SMG6: variants seen among roughly 807,000 people sequenced by gnomAD.
SMG6 encodes SMG6 nonsense mediated mRNA decay factor, also known as telomerase-binding protein EST1A.
In SMG6, 66 loss-of-function variants were observed where a neutral mutation model predicts 142.2. The observed-to-expected ratio is 0.46, with a 90% CI of 0.38 to 0.57. The LOEUF is 0.57. Ranked by LOEUF, SMG6 falls within the 20% of genes least tolerant of loss-of-function variation. The pLI is 0.00. For synonymous variants in SMG6, 779 were observed against 702.4 expected (o/e 1.11, Z -1.72); for missense variants, 1,793 against 1,832.0 (o/e 0.98, Z 0.39).
At position 2,191,296 on chromosome 17, in the gene SMG6, C is replaced by T. The variant is rs114473336; in HGVS notation, c.2870-2781G>A. ...GACGCTACTCCCTGAAAGCATTCAC[C>T]GTTACACAAGTGGGTAGGAAAACAG... On this transcript the variant is annotated intron_variant, in intron 10 of 18. Coordinates refer to ENST00000263073, the MANE Select transcript of SMG6 (RefSeq NM_017575.5). 3.5e-3 allele frequency among the ~76,000 whole-genome samples: 533 copies of T among 152,248 alleles called. 5 individuals carry two copies. The highest frequency in any genetic ancestry group is 0.012 in the African/African-American group (499 of 41,540).
chr17:2,184,206 T>C lies in SMG6; in HGVS notation c.3155+2457A>G, dbSNP rs186207469. Among the ~76,000 whole-genome samples the C allele has an allele frequency of 2.5e-4, 38 of 151,280 alleles. 1 individual carries two copies. In the South Asian group the frequency reaches 5.4e-3, roughly 22 times the overall value. ...GGTGAAACCCCATCTCTACTAAACA[T>C]AAAAAAATTAGCCAGGCCTGGTGGC... On this transcript the variant is annotated intron_variant, in intron 12 of 18. Transcript: ENST00000263073.
At position 2,299,537 on chromosome 17, in the gene SMG6, G is replaced by A. The variant is rs771019500; in HGVS notation, c.1216C>T (p.Arg406Cys). 1.2e-5 allele frequency: 19 copies of A among 1,614,068 alleles called. No homozygotes were observed. The highest frequency in any genetic ancestry group is 1.7e-5 in the Admixed American group (1 of 60,002). The change falls in exon 2 of 19, where the codon CGT becomes TGT. Residue 406 changes from arginine to cysteine, a missense_variant. Coordinates refer to ENST00000263073, the MANE Select transcript of SMG6 (RefSeq NM_017575.5). This position sits in a 1 kb window ranked among gnomAD's most constrained non-coding sequence, Gnocchi z 4.3. ...NPKQELRGRG[R>C]GILILPAHTT... ...TGGGCAGGCAAAATCAGAATGCCAC[G>A]ACCACGACCCCGAAGTTCTTGTTTC... is the stretch of plus-strand genomic sequence containing the variant.
intron 13 of SMG6, chr17:2,087,422 C>G (rs1180372053): frequency 6.7e-6 from 8 of 1,185,938 alleles, no homozygotes; most frequent in Non-Finnish European, 8.5e-6. Context: ...AAAGCCAACC[C>G]CGCTTTCCTA....
At chr17:2,156,605 T>C (rs1423171299) in intron 13 of SMG6, among the ~76,000 whole-genome samples, 2 of 151,946 alleles carry the variant, frequency 1.3e-5, no homozygotes, top group Admixed American at 1.3e-4. Flanking sequence ...ACAAATGAAA[T>C]GCCAAGCCCA....
intron 15 of SMG6, among the ~76,000 whole-genome samples, chr17:2,081,520 G>A (rs1275265916): frequency 6.6e-6 from 1 of 152,178 alleles, no homozygotes; most frequent in East Asian, 1.9e-4. Context: ...TTGTGTGAAA[G>A]ATCATGTATG....
Position 2,068,842 on chromosome 17 carries a change from G to A in SMG6, c.3771C>T (p.Asp1257=). The A allele has an allele frequency of 6.2e-7, 1 of 1,614,252 alleles. No individual in the cohort carries two copies. Among genetic ancestry groups the A allele is most frequent in the Non-Finnish European group, 8.5e-7 (1 of 1,180,040 alleles). The change falls in exon 16 of 19, where the codon GAC becomes GAT. Residue 1257 remains aspartate, a synonymous_variant. Transcript: ENST00000263073. The surrounding 1 kb of genome is among the most constrained non-coding windows in gnomAD (Gnocchi z 6.7). ...GCAGCCGCGCCAGACTGGCCAGGTG[G>A]TCAATGAAGCCGTTGGTGTCTGGTA... ...FLVPDTNGFI[D]HLASLARLLE...
rs73309933 is a variant in SMG6, at chr17:2,244,860, A to G, written c.2662-141T>C. ...GATGGGAACCAAATGGACATGCCCA[A>G]ACTCTCACAGACCCAGGGCACATGC... is the stretch of plus-strand genomic sequence containing the variant. On this transcript the variant is annotated intron_variant, in intron 8 of 18. Coordinates refer to ENST00000263073, the MANE Select transcript of SMG6 (RefSeq NM_017575.5). 5.9e-6 allele frequency: 4 copies of G among 677,066 alleles called. No homozygotes were observed. The African/African-American group carries it at 7.1e-5, about 12-fold the overall frequency. The allele number at this position is 677,066 out of a possible 1,614,324, so 41.9% of individuals were successfully genotyped here.
intron 8 of SMG6, among the ~76,000 whole-genome samples, chr17:2,248,948 GCT>G (rs2073983498): frequency 6.7e-6 from 1 of 149,910 alleles, no homozygotes; most frequent in Non-Finnish European, 1.5e-5. Context: ...GTGCAGTGGC[GCT>G]ATCTCAGCTC....
At position 2,089,522 on chromosome 17, in the gene SMG6, T is replaced by C. The variant is rs1470403383; in HGVS notation, c.3358-3621A>G. ...TTTCAATCAGCTTGGGAAAGAAAAC[T>C]GGGGCTTTAGGTCAGGGAAGAGCTG... is the stretch of plus-strand genomic sequence containing the variant. On this transcript the variant is annotated intron_variant, in intron 13 of 18. Transcript: ENST00000263073. 3.9e-5 allele frequency among the ~76,000 whole-genome samples: 6 copies of C among 152,106 alleles called. No individual in the cohort carries two copies. The East Asian group carries it at 1.2e-3, about 29-fold the overall frequency.
chr17:2,140,261 C>A (rs1032521405), intron 13 of SMG6, among the ~76,000 whole-genome samples: 50 of 151,466 alleles, frequency 3.3e-4, no homozygotes, highest in Non-Finnish European at 1.3e-4. Flanking sequence ...TGGGGTTTTG[C>A]CATGCTGCCT....
intron 10 of SMG6, chr17:2,216,074 C>T (rs2073010724): frequency 6.6e-6 from 1 of 152,142 alleles, no homozygotes. Flanking sequence ...GCATCACTTC[C>T]GCTACACTTT....
At chr17:2,292,208 T>C (rs1281131303) in intron 6 of SMG6, among the ~76,000 whole-genome samples, 1 of 152,186 alleles carries the variant, frequency 6.6e-6, no homozygotes, top group Non-Finnish European at 1.5e-5. Flanking sequence ...TTATTTTTCG[T>C]CTAGAATGAG....
chr17:2,268,897 G>C (rs1196357985), intron 8 of SMG6, among the ~76,000 whole-genome samples: 3 of 140,976 alleles, frequency 2.1e-5, no homozygotes, highest in Non-Finnish European at 3.1e-5. Context: ...GGGCGACAGA[G>C]TTAGACTTCG....
chr17:2,095,792 CT>C (rs1172926743), intron 13 of SMG6, among the ~76,000 whole-genome samples: 1 of 152,182 alleles, frequency 6.6e-6, no homozygotes, highest in Non-Finnish European at 1.5e-5. Context: ...TTCTTTTGGG[CT>C]TAGCCTTGCT....
chr17:2,230,531 A>G (rs1224883795), intron 10 of SMG6, among the ~76,000 whole-genome samples: 1 of 152,004 alleles, frequency 6.6e-6, no homozygotes, highest in Non-Finnish European at 1.5e-5. Flanking sequence ...TGAGATGACA[A>G]TTTTCTCATT....
At position 2,068,124 on chromosome 17, in the gene SMG6, C is replaced by T. The variant is rs1228831817; in HGVS notation, c.3835+654G>A. On this transcript the variant is annotated intron_variant, in intron 16 of 18. Coordinates refer to ENST00000263073, the MANE Select transcript of SMG6 (RefSeq NM_017575.5). This position sits in a 1 kb window ranked among gnomAD's most constrained non-coding sequence, Gnocchi z 6.7. Reference sequence around the variant, plus strand: ...GGGTACCCAGACGGTCCCGTGGAGACGGCCCAGCTGGGCCTCTCTGGCTAG... The same window carrying T: ...GGGTACCCAGACGGTCCCGTGGAGATGGCCCAGCTGGGCCTCTCTGGCTAG... Among the ~76,000 whole-genome samples the T allele has an allele frequency of 3.9e-5, 6 of 152,180 alleles. No individual in the cohort carries two copies. The highest frequency in any genetic ancestry group is 1.9e-4 in the East Asian group (1 of 5,192).
At chr17:2,200,527 A>G (rs1162273737) in intron 10 of SMG6, among the ~76,000 whole-genome samples, 15 of 60,304 alleles carry the variant, frequency 2.5e-4, no homozygotes, top group East Asian at 7.5e-4. Flanking sequence ...CCCACGACAG[A>G]AAAAAAAAAA....
intron 10 of SMG6, among the ~76,000 whole-genome samples, chr17:2,197,237 G>A (rs1163207194): frequency 6.6e-6 from 1 of 152,130 alleles, no homozygotes; most frequent in Non-Finnish European, 1.5e-5. Context: ...CCACATATCT[G>A]CCGAAGAACT....
chr17:2,108,426 G>A (rs553840207), intron 13 of SMG6, among the ~76,000 whole-genome samples: 1 of 152,322 alleles, frequency 6.6e-6, no homozygotes, highest in African/African-American at 2.4e-5. Context: ...AGACCAGCCT[G>A]GCCAACATAG....
Sources: allele counts gnomAD v4.1 joint callset (sites outside exome capture counted in the v4.1 genomes callset), GRCh38; gene constraint gnomAD v4.1.1; non-coding constraint Gnocchi (gnomAD v3.1); transcripts MANE v1.5; gene names NCBI Gene and HGNC (gene_info 2026-07-23, HGNC 2026-07-21).